MOB3A: variants seen among roughly 807,000 people sequenced by gnomAD.
MOB3A encodes MOB kinase activator 3A, also known as MOB LAK.
Under a neutral mutation model 17.8 loss-of-function variants are expected in MOB3A, and 17 were observed. That is an observed-to-expected ratio of 0.95 (90% CI 0.65 to 1.43). The LOEUF (loss-of-function observed/expected upper bound fraction) is 1.43, where lower values mean the gene tolerates loss of function less well. Among genes scored for constraint, MOB3A ranks in the 40% most tolerant of loss-of-function variants. The pLI, the probability that MOB3A is intolerant of heterozygous loss-of-function variation, is 0.00. For synonymous variants in MOB3A, 124 were observed against 133.2 expected (o/e 0.93, Z 0.48); for missense variants, 333 against 310.8 (o/e 1.07, Z -0.54).
At chr19:2,092,022 GAAT>G (rs1446550015) in intron 1 of MOB3A, among the ~76,000 whole-genome samples, 2 of 132,286 alleles carry the variant, frequency 1.5e-5, no homozygotes, top group African/African-American at 5.5e-5. Flanking sequence ...GAGAAAGAAA[GAAT>G]AATAAATTGC....
At chr19:2,077,886 C>G (rs1005959068) in intron 3 of MOB3A, among the ~76,000 whole-genome samples, 3 of 151,920 alleles carry the variant, frequency 2.0e-5, no homozygotes, top group Non-Finnish European at 4.4e-5. Context: ...TAGCCTCAAG[C>G]GATCCTCCCA....
rs2017497103 is a variant in MOB3A at position 2,082,081 on chromosome 19, G to C, written c.-120+3094C>G. Reference sequence around the variant, plus strand: ...CACCCACGCTGCAGTGACCAGAAAGGCCTGAACTTCCCCAGCCCATCCTGG... The same window carrying C: ...CACCCACGCTGCAGTGACCAGAAAGCCCTGAACTTCCCCAGCCCATCCTGG... On this transcript the variant is annotated intron_variant, in intron 2 of 4. Coordinates refer to ENST00000357066, the MANE Select transcript of MOB3A (RefSeq NM_130807.3). The surrounding 1 kb of genome is among the most constrained non-coding windows in gnomAD (Gnocchi z 4.1). Among the ~76,000 whole-genome samples, 2 of 152,144 alleles carry C rather than the reference G, an allele frequency of 1.3e-5. No homozygotes were observed. The highest frequency in any genetic ancestry group is 2.9e-5 in the Non-Finnish European group (2 of 68,020).
intron 1 of MOB3A, chr19:2,095,309 C>T (rs1416398975): frequency 6.6e-6 from 1 of 152,372 alleles, no homozygotes; most frequent in Non-Finnish European, 1.5e-5. Context: ...ATTTCCCCTC[C>T]CCTCTCAGTG....
chr19:2,092,249 C>T (rs1000700208), intron 1 of MOB3A, among the ~76,000 whole-genome samples: 14 of 151,522 alleles, frequency 9.2e-5, no homozygotes, highest in African/African-American at 3.2e-4. Context: ...CACAGGTGCA[C>T]GCCACCACGC....
At chr19:2,096,030 C>T (rs2144947884) in intron 1 of MOB3A, among the ~76,000 whole-genome samples, 196 bp downstream of exon 1, 1 of 152,246 alleles carries the variant, frequency 6.6e-6, no homozygotes, top group African/African-American at 2.4e-5. Flanking sequence ...AGGCGTGAGC[C>T]ACCGCGCCCG....
chr19:2,093,953 C>T lies in MOB3A; in HGVS notation c.-274+2273G>A, dbSNP rs1162407160. 2.0e-5 allele frequency among the ~76,000 whole-genome samples: 3 copies of T among 151,822 alleles called. No homozygotes were observed. Among genetic ancestry groups the T allele is most frequent in the Non-Finnish European group, 4.4e-5 (3 of 67,998 alleles). On this transcript the variant is annotated intron_variant, in intron 1 of 4. Coordinates refer to ENST00000357066, the MANE Select transcript of MOB3A (RefSeq NM_130807.3). This position sits in a 1 kb window ranked among gnomAD's most constrained non-coding sequence, Gnocchi z 4.6. ...TCCCTGACAACTGCGGTTAAGAACC[C>T]GGCTTCTGGAAGTTCTCAGGGCTGC...
chr19:2,079,531 AG>A, intron 2 of MOB3A, among the ~76,000 whole-genome samples: 1 of 152,296 alleles, frequency 6.6e-6, no homozygotes, highest in Admixed American at 6.5e-5. Flanking sequence ...CCACAAGCGA[AG>A]GGTCGCCCAG....
At chr19:2,085,881 C>G (rs946462925) in intron 1 of MOB3A, among the ~76,000 whole-genome samples, 1 of 142,646 alleles carries the variant, frequency 7.0e-6, no homozygotes, top group Non-Finnish European at 1.5e-5. Flanking sequence ...GGAGAATGGC[C>G]TGAACCCGGG....
At chr19:2,089,916 A>G (rs182892176) in intron 1 of MOB3A, among the ~76,000 whole-genome samples, 1 of 151,576 alleles carries the variant, frequency 6.6e-6, no homozygotes, top group East Asian at 2.0e-4. Context: ...CCCCTCCTCT[A>G]GTTGTGACAA....
intron 4 of MOB3A, among the ~76,000 whole-genome samples, chr19:2,073,677 T>G (rs1205139966): frequency 6.6e-6 from 1 of 152,122 alleles, no homozygotes; most frequent in Non-Finnish European, 1.5e-5. Flanking sequence ...AACTCTGTCT[T>G]GTACCTCAAA....
rs2017361546 is a variant in MOB3A at position 2,073,279 on chromosome 19, C to G, written c.*116G>C. On this transcript the variant is annotated 3_prime_UTR_variant, in exon 5 of 5. Transcript: ENST00000357066. ...CAACACCTGCTCAGCGGCTCGGCCCCTGGTCTCCCTGAGATGCTCAGGCCG... is the reference window on the plus strand; with the variant it reads ...CAACACCTGCTCAGCGGCTCGGCCCGTGGTCTCCCTGAGATGCTCAGGCCG... 7.3e-7 allele frequency: 1 copy of G among 1,369,940 alleles called. No individual in the cohort carries two copies. The highest frequency in any genetic ancestry group is 1.8e-5 in the Admixed American group (1 of 57,088). The allele number at this position is 1,369,940 out of a possible 1,614,324, so 84.9% of individuals were successfully genotyped here.
intron 2 of MOB3A, among the ~76,000 whole-genome samples, chr19:2,079,780 G>T (rs894702804): frequency 1.3e-5 from 2 of 152,212 alleles, no homozygotes; most frequent in Non-Finnish European, 2.9e-5. Flanking sequence ...CCCCTTCCAG[G>T]TCGGGTCACA....
At chr19:2,092,637 A>T (rs1392287657) in intron 1 of MOB3A, among the ~76,000 whole-genome samples, 1 of 151,742 alleles carries the variant, frequency 6.6e-6, no homozygotes, top group Admixed American at 6.6e-5. Context: ...GCATGCCTGT[A>T]ATCCCAGCTA....
chr19:2,075,939 A>G (rs1046954939), intron 4 of MOB3A, among the ~76,000 whole-genome samples: 3 of 152,040 alleles, frequency 2.0e-5, no homozygotes, highest in Admixed American at 6.6e-5. Context: ...CCTGGCCAAC[A>G]TGGCAAAACC....
At chr19:2,081,316 G>C (rs933930192) in intron 2 of MOB3A, among the ~76,000 whole-genome samples, 1 of 152,198 alleles carries the variant, frequency 6.6e-6, no homozygotes, top group Non-Finnish European at 1.5e-5. Flanking sequence ...GGCCGGGCGT[G>C]GTGGCTCACG....
At chr19:2,088,752 G>A (rs1270917536) in intron 1 of MOB3A, among the ~76,000 whole-genome samples, 1 of 152,108 alleles carries the variant, frequency 6.6e-6, no homozygotes, top group East Asian at 1.9e-4. Context: ...ACAGGCATGA[G>A]CCACCACACC....
In MOB3A at chr19:2,078,334, T is replaced by C. The variant is rs750951116; in HGVS notation, c.227A>G (p.Tyr76Cys). 1 of 1,614,136 alleles carries C rather than the reference T, an allele frequency of 6.2e-7. No individual in the cohort carries two copies. Among genetic ancestry groups the C allele is most frequent in the Non-Finnish European group, 8.5e-7 (1 of 1,180,022 alleles). Residue 76 changes from tyrosine to cysteine, a missense_variant, in exon 3 of 5, where the codon TAC (tyrosine) becomes TGC (cysteine). Tyr to Cys is a radical substitution (Grantham distance 194). Transcript: ENST00000357066. ...CGTGCAGCCGTCGCTGATGGTGCCG[T>C]AGATGAGGTTGACGCGGTTAAAGAA... ...VDFFNRVNLIYGTISDGCTEQ... is the reference protein window; with the variant it reads ...VDFFNRVNLICGTISDGCTEQ...
chr19:2,079,878 C>A (rs912504660), intron 2 of MOB3A, among the ~76,000 whole-genome samples: 4 of 152,248 alleles, frequency 2.6e-5, no homozygotes, highest in Non-Finnish European at 5.9e-5. Flanking sequence ...GCCCAAGTCT[C>A]ATGCACGCCT....
chr19:2,083,062 G>T (rs2017509423), intron 2 of MOB3A, among the ~76,000 whole-genome samples: 1 of 152,170 alleles, frequency 6.6e-6, no homozygotes, highest in African/African-American at 2.4e-5. Context: ...GCCTAGGCTG[G>T]TCTTGAACTC....
Sources: gnomAD v4.1 joint callset for allele counts (sites outside exome capture counted in the v4.1 genomes callset) on GRCh38, gnomAD v4.1.1 for gene constraint, Gnocchi (gnomAD v3.1) non-coding constraint, MANE v1.5 for transcripts, NCBI Gene and HGNC (gene_info 2026-07-23, HGNC 2026-07-21) for gene names.